DENND2B: variants seen among roughly 807,000 people sequenced by gnomAD.
DENND2B encodes DENN domain-containing protein 2B.
Under a neutral mutation model 116.0 loss-of-function variants are expected in DENND2B, and 32 were observed. The ratio of observed to expected loss-of-function variants is 0.28; its 90% confidence interval spans 0.21 to 0.37. The LOEUF is 0.37. Ranked by LOEUF, DENND2B falls within the 10% of genes least tolerant of loss-of-function variation. DENND2B has a pLI of 1.00. For missense variants in DENND2B, 1,276 were observed against 1,477.7 expected (o/e 0.86, Z 2.24); for synonymous variants, 588 against 583.9 (o/e 1.01, Z -0.10).
rs1184288500 is a variant in DENND2B at position 8,718,123 on chromosome 11, C to A, written c.1478-231G>T. The A allele has an allele frequency of 2.1e-3, 798 of 372,880 alleles. 12 individuals are homozygous for A. The highest frequency in any genetic ancestry group is 0.015 in the African/African-American group (683 of 44,638). 23.1% of individuals were successfully genotyped at this position (372,880 alleles called of 1,614,324 possible). On this transcript the variant is annotated intron_variant, in intron 4 of 19. Transcript: ENST00000313726. ...CCCCCCACCCCCCCCAACCCCCCAC[C>A]CCCAGCCCAGCTCAGCCTGGCCTCT...
intron 1 of DENND2B, among the ~76,000 whole-genome samples, chr11:8,892,858 A>G (rs2064051562): frequency 6.6e-6 from 1 of 152,238 alleles, no homozygotes; most frequent in Non-Finnish European, 1.5e-5. Flanking sequence ...AACTATTCCA[A>G]TCAATAGAAA....
chr11:8,776,931 C>A (rs1482498790), intron 1 of DENND2B, among the ~76,000 whole-genome samples: 1 of 152,144 alleles, frequency 6.6e-6, no homozygotes, highest in African/African-American at 2.4e-5. Flanking sequence ...CACATGGGAG[C>A]CAACCCTTAG....
At chr11:8,809,696 T>C (rs1316630475) in intron 1 of DENND2B, 1 of 152,190 alleles carries the variant, frequency 6.6e-6, no homozygotes, top group African/African-American at 2.4e-5. Context: ...GCGTGGACAC[T>C]GCGTGCCCTG....
At chr11:8,840,581 C>A (rs2134613775) in intron 3 of DENND2B, among the ~76,000 whole-genome samples, 1 of 152,100 alleles carries the variant, frequency 6.6e-6, no homozygotes, top group Non-Finnish European at 1.5e-5. Context: ...TTTTGGAGAA[C>A]CAAACAGGAT....
At chr11:8,843,890 T>A (rs540022751) in intron 3 of DENND2B, among the ~76,000 whole-genome samples, 9 of 152,228 alleles carry the variant, frequency 5.9e-5, no homozygotes, top group Admixed American at 1.3e-4. Context: ...CTTTGGTTGC[T>A]TTCTCTGGCC....
At chr11:8,706,870 A>G (rs2042691150) in intron 13 of DENND2B, among the ~76,000 whole-genome samples, 1 of 152,182 alleles carries the variant, frequency 6.6e-6, no homozygotes, top group Admixed American at 6.5e-5. Flanking sequence ...GTTTAGTCCA[A>G]ATGGGTCAGG....
chr11:8,823,291 T>G (rs2061836491), intron 4 of DENND2B, among the ~76,000 whole-genome samples: 1 of 152,208 alleles, frequency 6.6e-6, no homozygotes, highest in South Asian at 2.1e-4. Flanking sequence ...GGCAGCTGGA[T>G]GGACTGGTAA....
intron 1 of DENND2B, among the ~76,000 whole-genome samples, chr11:8,782,442 T>C (rs962762930): frequency 1.3e-5 from 2 of 152,292 alleles, no homozygotes; most frequent in South Asian, 2.1e-4. Context: ...CCTCCAAGCA[T>C]GAGTACATAT....
intron 1 of DENND2B, among the ~76,000 whole-genome samples, chr11:8,793,402 C>T (rs1009780009): frequency 1.3e-5 from 2 of 152,130 alleles, no homozygotes; most frequent in Non-Finnish European, 2.9e-5. Flanking sequence ...ATGAATTTGC[C>T]TTTTCTAGAT....
chr11:8,833,573 C>T (rs989375594), intron 4 of DENND2B, among the ~76,000 whole-genome samples: 1 of 152,028 alleles, frequency 6.6e-6, no homozygotes, highest in Admixed American at 6.5e-5. Flanking sequence ...AAGCTTTGTT[C>T]GGGAAGCCAA....
intron 13 of DENND2B, among the ~76,000 whole-genome samples, chr11:8,706,280 A>G (rs7115086): frequency 0.023 from 3,558 of 152,230 alleles, 143 homozygotes; most frequent in African/African-American, 0.081. Context: ...TGAAATGAAA[A>G]TATACGTCAG....
intron 7 of DENND2B, 74 bp from the exon 8 acceptor site, chr11:8,714,116 CT>C (rs771875435): frequency 7.0e-6 from 10 of 1,437,742 alleles, no homozygotes; most frequent in Non-Finnish European, 8.8e-6. Flanking sequence ...ACCACCCCAG[CT>C]TTTCTCACAG....
intron 13 of DENND2B, chr11:8,703,383 T>G (rs1251905574): frequency 6.6e-6 from 1 of 152,322 alleles, no homozygotes; most frequent in African/African-American, 2.4e-5. Flanking sequence ...GGGCCAGGCC[T>G]GGCCCTCTTT....
intron 1 of DENND2B, among the ~76,000 whole-genome samples, chr11:8,896,993 C>A (rs1341718911): frequency 6.6e-6 from 1 of 152,134 alleles, no homozygotes; most frequent in Admixed American, 6.5e-5. Flanking sequence ...AATCCCAGCA[C>A]TTTGGGAGGC....
chr11:8,827,362 T>C (rs1001870521), intron 4 of DENND2B, among the ~76,000 whole-genome samples: 1 of 152,180 alleles, frequency 6.6e-6, no homozygotes, highest in Non-Finnish European at 1.5e-5. Context: ...CTAAAACTGG[T>C]AGATGCTAGC....
At chr11:8,845,173 A>G (rs1054842065) in intron 3 of DENND2B, 1 of 152,212 alleles carries the variant, frequency 6.6e-6, no homozygotes, top group African/African-American at 2.4e-5. Flanking sequence ...ATAAAAAGTA[A>G]AATTTTATTC....
Position 8,750,723 on chromosome 11 carries a change from G to T in DENND2B, c.-23C>A, listed in dbSNP as rs758848035. 2 of 1,614,090 alleles carry T rather than the reference G, an allele frequency of 1.2e-6. No individual in the cohort carries two copies. Among genetic ancestry groups the T allele is most frequent in the Non-Finnish European group, 8.5e-7 (1 of 1,179,972 alleles). ...CATTTCGGCTCTCTGCAAACCCAGA[G>T]CCCTGCAAAGACGACAATGCCGGTA... On this transcript the variant is annotated splice_region_variant and 5_prime_UTR_variant, in exon 2 of 20. Coordinates refer to ENST00000313726, the MANE Select transcript of DENND2B (RefSeq NM_213618.2).
intron 2 of DENND2B, among the ~76,000 whole-genome samples, chr11:8,879,467 A>G (rs576354097): frequency 3.3e-5 from 5 of 152,360 alleles, no homozygotes; most frequent in African/African-American, 1.2e-4. Flanking sequence ...TATGAAGGCA[A>G]TATGAAGGAA....
At chr11:8,870,164 A>T (rs1366604929) in intron 2 of DENND2B, among the ~76,000 whole-genome samples, 1 of 152,218 alleles carries the variant, frequency 6.6e-6, no homozygotes, top group African/African-American at 2.4e-5. Flanking sequence ...CAAGAGCTGG[A>T]CTAAGGCTGT....
Sources: allele counts gnomAD v4.1 joint callset (sites outside exome capture counted in the v4.1 genomes callset), GRCh38; gene constraint gnomAD v4.1.1; transcripts MANE v1.5; gene names NCBI Gene and HGNC (gene_info 2026-07-23, HGNC 2026-07-21).